The following SPAG16 variants were observed in gnomAD, a reference collection of about 807,000 sequenced individuals.
SPAG16 encodes sperm associated antigen 16, also known as sperm-associated antigen 16 protein.
A neutral mutation model predicts 80.4 loss-of-function variants in SPAG16; 86 were observed. The observed-to-expected ratio is 1.07, with a 90% confidence interval of 0.90 to 1.28. SPAG16 has a LOEUF of 1.28. Among genes scored for constraint, SPAG16 ranks in the 50% most tolerant of loss-of-function variants. SPAG16 has a pLI of 0.00. For missense variants in SPAG16, 870 were observed against 765.3 expected (o/e 1.14, Z -1.61); for synonymous variants, 294 against 265.9 (o/e 1.11, Z -1.03).
At chr2:213,968,093 T>C (rs1330928405) in intron 12 of SPAG16, among the ~76,000 whole-genome samples, 2 of 129,476 alleles carry the variant, frequency 1.5e-5, no homozygotes, top group Non-Finnish European at 3.4e-5. Context: ...TCTTCTTTCC[T>C]TCTTTTTTCT....
chr2:213,468,355 A>G lies in SPAG16; in HGVS notation c.943-21608A>G, dbSNP rs1305470858. ...TCTAGAGGGACAGAACTAATAGGAG[A>G]TATATATATATATCTCTCTCTATAT... On this transcript the variant is annotated intron_variant, in intron 9 of 15. Coordinates refer to ENST00000331683, the MANE Select transcript of SPAG16 (RefSeq NM_024532.5). 3.5e-5 allele frequency among the ~76,000 whole-genome samples: 5 copies of G among 142,670 alleles called. No homozygotes were observed. In the East Asian group the frequency reaches 9.9e-4, roughly 28 times the overall value. 93.6% of individuals were successfully genotyped at this position (142,670 alleles called of 152,430 possible). A position where few individuals can be genotyped will look rare whatever the true frequency, so the allele number is the denominator to read the frequency against.
chr2:214,031,096 G>A (rs1268104767), intron 13 of SPAG16, among the ~76,000 whole-genome samples: 1 of 152,134 alleles, frequency 6.6e-6, no homozygotes, highest in African/African-American at 2.4e-5. Context: ...TTTGGTCTTT[G>A]ATGATGGTGA....
chr2:213,961,871 G>C (rs1470521418), intron 12 of SPAG16, among the ~76,000 whole-genome samples: 1 of 151,792 alleles, frequency 6.6e-6, no homozygotes, highest in Non-Finnish European at 1.5e-5. Context: ...GTCTGGTTTT[G>C]ATATAAGTGT....
In SPAG16 at chr2:213,755,097, G is replaced by A. The variant is rs185260283; in HGVS notation, c.1071-107388G>A. 3.3e-5 allele frequency among the ~76,000 whole-genome samples: 5 copies of A among 152,226 alleles called. No individual in the cohort carries two copies. The South Asian group carries it at 8.3e-4, about 25-fold the overall frequency. ...CTTTGTGTCAGTAATACTCAATTTCGATGTTTTTGATGTTATAATGACATG... is the reference window on the plus strand; with the variant it reads ...CTTTGTGTCAGTAATACTCAATTTCAATGTTTTTGATGTTATAATGACATG... On this transcript the variant is annotated intron_variant, in intron 10 of 15. Coordinates refer to ENST00000331683, the MANE Select transcript of SPAG16 (RefSeq NM_024532.5).
chr2:213,718,047 G>A (rs567623153), intron 10 of SPAG16, among the ~76,000 whole-genome samples: 25 of 150,362 alleles, frequency 1.7e-4, no homozygotes, highest in East Asian at 1.6e-3. Flanking sequence ...AACTATCACC[G>A]GAGTTAAAAA....
chr2:214,220,758 G>A, intron 15 of SPAG16, among the ~76,000 whole-genome samples: 1 of 152,244 alleles, frequency 6.6e-6, no homozygotes, highest in Non-Finnish European at 1.5e-5. Context: ...GATTAATCTT[G>A]AAGGGGCTTT....
chr2:213,919,021 A>G (rs75388474), intron 11 of SPAG16, among the ~76,000 whole-genome samples: 2,714 of 151,994 alleles, frequency 0.018, 87 homozygotes, highest in African/African-American at 0.063. Flanking sequence ...AATTGTTTTT[A>G]TTTGGATCTT....
At chr2:213,896,138 C>T (rs1364488476) in intron 11 of SPAG16, among the ~76,000 whole-genome samples, 1 of 151,754 alleles carries the variant, frequency 6.6e-6, no homozygotes, top group South Asian at 2.1e-4. Flanking sequence ...GGCAAACAGA[C>T]CTGAATAGAC....
At chr2:214,204,990 A>G (rs957358319) in intron 15 of SPAG16, among the ~76,000 whole-genome samples, 6 of 152,202 alleles carry the variant, frequency 3.9e-5, no homozygotes, top group African/African-American at 1.4e-4. Context: ...GCACTTTGGG[A>G]GGCTGAGGCA....
intron 6 of SPAG16, among the ~76,000 whole-genome samples, chr2:213,340,578 T>C (rs1353077256): frequency 6.6e-6 from 1 of 152,072 alleles, no homozygotes; most frequent in African/African-American, 2.4e-5. Flanking sequence ...TTCTCAAGTA[T>C]GAGTAAGAGT....
At position 213,391,262 on chromosome 2, in the gene SPAG16, C is replaced by T. The variant is rs190553938; in HGVS notation, c.942+16143C>T. 2.5e-3 allele frequency among the ~76,000 whole-genome samples: 384 copies of T among 151,716 alleles called. 1 individual carries two copies. The highest frequency in any genetic ancestry group is 8.5e-3 in the African/African-American group (353 of 41,386). ...CAACCTGGGCGATGGAGCGAGACTC[C>T]GTTTCAAAAAAATAAATAAATAAAT... On this transcript the variant is annotated intron_variant, in intron 9 of 15. Transcript: ENST00000331683.
intron 9 of SPAG16, among the ~76,000 whole-genome samples, chr2:213,393,723 C>G (rs2067891023): frequency 6.6e-6 from 1 of 151,770 alleles, no homozygotes. Context: ...ATTTATAAAC[C>G]CACACAGAGA....
intron 14 of SPAG16, among the ~76,000 whole-genome samples, chr2:214,110,690 T>C (rs1395099247): frequency 1.3e-5 from 2 of 152,244 alleles, no homozygotes; most frequent in African/African-American, 4.8e-5. Context: ...TTTCTAGTTC[T>C]AGATCCTTGA....
intron 9 of SPAG16, among the ~76,000 whole-genome samples, chr2:213,414,908 G>A (rs1375638142): frequency 6.6e-6 from 1 of 152,210 alleles, no homozygotes; most frequent in Non-Finnish European, 1.5e-5. Context: ...TTGTGACATA[G>A]TCACATGGAT....
chr2:214,081,589 C>T (rs189133226), intron 13 of SPAG16, among the ~76,000 whole-genome samples: 1 of 152,318 alleles, frequency 6.6e-6, no homozygotes, highest in Admixed American at 6.5e-5. Flanking sequence ...CAGAAACTAA[C>T]AGAGAGACAT....
At chr2:213,872,706 A>G (rs974991760) in intron 11 of SPAG16, among the ~76,000 whole-genome samples, 11 of 152,140 alleles carry the variant, frequency 7.2e-5, no homozygotes, top group African/African-American at 2.7e-4. Context: ...ACCGTTAAGT[A>G]TGATGTTAGT....
intron 10 of SPAG16, among the ~76,000 whole-genome samples, chr2:213,720,807 ACGAT>A (rs2066498258): frequency 8.2e-6 from 1 of 122,622 alleles, no homozygotes; most frequent in Non-Finnish European, 1.6e-5. Flanking sequence ...GTGCAATGGC[ACGAT>A]CTCGGCTCAC....
At chr2:214,332,051 A>T (rs981389348) in intron 15 of SPAG16, among the ~76,000 whole-genome samples, 1 of 152,194 alleles carries the variant, frequency 6.6e-6, no homozygotes, top group African/African-American at 2.4e-5. Context: ...CAGGAGTTCA[A>T]GATCAGCATG....
intron 10 of SPAG16, among the ~76,000 whole-genome samples, chr2:213,675,977 A>C (rs146277719): frequency 0.011 from 1,631 of 152,280 alleles, 34 homozygotes; most frequent in African/African-American, 0.037. Context: ...TACCTTGGGT[A>C]GTATGGCCAA....
Sources: gnomAD v4.1 joint callset for allele counts (sites outside exome capture counted in the v4.1 genomes callset) on GRCh38, gnomAD v4.1.1 for gene constraint, MANE v1.5 for transcripts, NCBI Gene and HGNC (gene_info 2026-07-23, HGNC 2026-07-21) for gene names.